MUC5B: variants seen among roughly 807,000 people sequenced by gnomAD.
The protein encoded by MUC5B is mucin 5B, oligomeric mucus/gel-forming, also known as mucin-5B.
A neutral mutation model predicts 376.9 loss-of-function variants in MUC5B; 116 were observed. The ratio of observed to expected loss-of-function variants is 0.31; its 90% CI spans 0.26 to 0.36. The LOEUF is 0.36. MUC5B is among the 10% of genes least tolerant of loss of function. The probability of loss-of-function intolerance (pLI) is 1.00; values close to 1 mark genes in which losing one functional copy is unlikely to be tolerated. For missense variants in MUC5B, 7,165 were observed against 7,769.9 expected, an observed-to-expected ratio of 0.92 and a Z score of 2.93; for synonymous variants, 3,517 against 3,390.9, an observed-to-expected ratio of 1.04 and a Z score of -1.29.
Position 1,233,868 on chromosome 11 carries a change from T to C in MUC5B, c.2377+20T>C. On this transcript the variant is annotated intron_variant, in intron 19 of 48. Coordinates refer to ENST00000529681, the MANE Select transcript of MUC5B (RefSeq NM_002458.3). Reference sequence around the variant, plus strand: ...GCACAGGTAAGTGCCACCCCTGCCCTGCCCTGCCCTGCCCCGCCCCGCATC... The same window carrying C: ...GCACAGGTAAGTGCCACCCCTGCCCCGCCCTGCCCTGCCCCGCCCCGCATC... The C allele has an allele frequency of 6.4e-7, 1 of 1,558,130 alleles. No individual in the cohort carries two copies. The highest frequency in any genetic ancestry group is 8.7e-7 in the Non-Finnish European group (1 of 1,150,666).
rs949187393 is a variant in MUC5B at position 1,231,090 on chromosome 11, C to T, written c.1540+85C>T. The T allele has an allele frequency of 1.6e-5, 22 of 1,360,522 alleles. No individual in the cohort carries two copies. In the African/African-American group the frequency reaches 3.1e-4, roughly 19 times the overall value. 84.3% of individuals were successfully genotyped at this position (1,360,522 alleles called of 1,614,324 possible). A position where few individuals can be genotyped will look rare whatever the true frequency, so the allele number is the denominator to read the frequency against. On this transcript the variant is annotated intron_variant, in intron 13 of 48. Coordinates refer to ENST00000529681, the MANE Select transcript of MUC5B (RefSeq NM_002458.3). ...ACAGCCTGGGCAGCGTCCGCTCCAT[C>T]CCTGCTAGTTCTCCGTGGCCTCGGG... is the stretch of plus-strand genomic sequence containing the variant.
rs1014437941 is a variant in MUC5B, at chr11:1,235,023, G to A, written c.2631-62G>A. Reference sequence around the variant, plus strand: ...GCTGACCTGCACAGGCCTGGGTGCCGGGTCTCAGGAAGGCCGGGAGAGCAG... The same window carrying A: ...GCTGACCTGCACAGGCCTGGGTGCCAGGTCTCAGGAAGGCCGGGAGAGCAG... On this transcript the variant is annotated intron_variant, in intron 21 of 48. Transcript: ENST00000529681. 3.8e-5 allele frequency: 59 copies of A among 1,551,866 alleles called. 1 individual carries two copies. The Middle Eastern group carries it at 6.4e-4, about 17-fold the overall frequency.
At chr11:1,256,995 A>G (rs1862855625) in intron 39 of MUC5B, among the ~76,000 whole-genome samples, 1 of 152,000 alleles carries the variant, frequency 6.6e-6, no homozygotes, top group Non-Finnish European at 1.5e-5. Flanking sequence ...TCCTTGAGTG[A>G]TCCTGTGATG....
At chr11:1,229,336 G>A (rs1002858258) in intron 9 of MUC5B, 41 bp downstream of exon 9, 1 of 1,498,374 alleles carries the variant, frequency 6.7e-7, no homozygotes. Context: ...GGGCTTTCAG[G>A]TCCCTGCTCC....
chr11:1,248,649 C>A lies in MUC5B; in HGVS notation c.11769C>A (p.Thr3923=), dbSNP rs757128914. The change falls in exon 31 of 49, where the codon ACC becomes ACA. Residue 3923 remains threonine, a synonymous_variant. Transcript: ENST00000529681. ...THTPTVLTTT[T]TTVATGSMAT... is the part of the protein sequence containing the mutation. ...CCCCCACAGTGCTGACCACCACCAC[C>A]ACAACTGTGGCCACTGGTTCTATGG... 3.1e-6 allele frequency: 5 copies of A among 1,607,962 alleles called. No homozygotes were observed. In the South Asian group the frequency reaches 5.5e-5, roughly 18 times the overall value.
chr11:1,259,598 C>T (rs992066116), intron 44 of MUC5B, 158 bp from the exon 45 acceptor site: 54 of 673,808 alleles, frequency 8.0e-5, no homozygotes, highest in South Asian at 2.0e-4. Flanking sequence ...GAGGCTGAGC[C>T]GGGATAACTG....
chr11:1,232,975 G>A (rs767812950), intron 17 of MUC5B, 38 bp from the exon 18 acceptor site: 90 of 1,524,566 alleles, frequency 5.9e-5, no homozygotes, highest in Middle Eastern at 3.4e-4. Context: ...CAGGCTGCTC[G>A]GCCGCTGACC....
In MUC5B at chr11:1,254,732, C is replaced by T. The variant is rs746002251; in HGVS notation, c.15516C>T (p.Ser5172=). ...FDQIPVSSGF[S]KNGVLVSVLG... ...AAATTCCGGTGAGCAGCGGTTTCAG[C>T]AAGAACGGCGTGCTTGTGTCTGTGC... is the stretch of plus-strand genomic sequence containing the variant. Residue 5172 remains serine, a synonymous_variant, in exon 35 of 49, where the codon AGC becomes AGT. Coordinates refer to ENST00000529681, the MANE Select transcript of MUC5B (RefSeq NM_002458.3). 5.0e-6 allele frequency: 8 copies of T among 1,612,758 alleles called. No individual in the cohort carries two copies. The East Asian group carries it at 1.3e-4, about 27-fold the overall frequency.
Position 1,246,053 on chromosome 11 carries a change from C to T in MUC5B, c.9173C>T (p.Ala3058Val). ...ATTLPVLTST[A>V]TKSTATSFTP... ...ACCCTTCCAGTGCTGACAAGCACAG[C>T]CACCAAATCCACAGCTACCAGCTTT... The change falls in exon 31 of 49, where the codon GCC becomes GTC. Residue 3058 changes from alanine (A) to valine (V), a missense_variant. Physicochemically the swap from Ala to Val is moderately conservative, Grantham distance 64. Around this residue, in one of 31 missense-constraint regions of MUC5B, gnomAD observed 939 missense variants for 770.6 expected, o/e 1.22. Transcript: ENST00000529681. The T allele has an allele frequency of 1.9e-6, 3 of 1,613,028 alleles. No homozygotes were observed. The highest frequency in any genetic ancestry group is 2.5e-6 in the Non-Finnish European group (3 of 1,179,526).
chr11:1,227,477 G>A (rs1370632580), intron 6 of MUC5B, 79 bp downstream of exon 6: 3 of 1,120,784 alleles, frequency 2.7e-6, no homozygotes, highest in Non-Finnish European at 4.0e-6. Flanking sequence ...AGGCCGGGAG[G>A]GGGCGGAGTG....
In MUC5B at chr11:1,251,694, C is replaced by A. The variant is rs778652821; in HGVS notation, c.14814C>A (p.His4938Gln). 9.3e-6 allele frequency: 15 copies of A among 1,611,764 alleles called. No homozygotes were observed. Among genetic ancestry groups the A allele is most frequent in the Middle Eastern group, 3.3e-4 (2 of 6,074 alleles). ...GACCCACTGGCTTCCCCAGCTCCCA[C>A]TTCTCTACTCCCTGCTTCTGCAGGG... Reference protein sequence around the residue: ...TLRPTGFPSSHFSTPCFCRAF... With the variant: ...TLRPTGFPSSQFSTPCFCRAF... The change falls in exon 31 of 49, where the codon CAC becomes CAA. Residue 4938 changes from histidine to glutamine, a missense_variant. Physicochemically the swap from His to Gln is conservative, Grantham distance 24 (BLOSUM62 0). Coordinates refer to ENST00000529681, the MANE Select transcript of MUC5B (RefSeq NM_002458.3).
In MUC5B at chr11:1,249,572, C is replaced by A. The variant is rs751294168; in HGVS notation, c.12692C>A (p.Thr4231Asn). ...FCCNYGHCPS[T>N]PATSSTAMPS... ...TGCAACTACGGCCACTGCCCCAGCA[C>A]CCCGGCCACCAGCTCTACGGCCATG... Residue 4231 changes from threonine to asparagine, a missense_variant, in exon 31 of 49, where the codon ACC becomes AAC. This residue lies in a region of MUC5B where 38 missense variants were observed against 72.5 expected (regional missense o/e 0.52). Transcript: ENST00000529681. 11 of 1,612,704 alleles carry A rather than the reference C, an allele frequency of 6.8e-6. No homozygotes were observed. Among genetic ancestry groups the A allele is most frequent in the Non-Finnish European group, 9.3e-6 (11 of 1,179,488 alleles).
intron 13 of MUC5B, among the ~76,000 whole-genome samples, 153 bp downstream of exon 13, chr11:1,231,158 T>C (rs1862018891): frequency 6.6e-6 from 1 of 151,914 alleles, no homozygotes; most frequent in Admixed American, 6.6e-5. Context: ...GTCTGCAGAG[T>C]GGGGATGCCA....
At chr11:1,231,661 G>T in intron 14 of MUC5B, 101 bp downstream of exon 14, 1 of 1,376,842 alleles carries the variant, frequency 7.3e-7, no homozygotes. Context: ...GCAGGGGACC[G>T]GGGAGGGGGC....
At position 1,251,163 on chromosome 11, in the gene MUC5B, G is replaced by C; in HGVS notation, c.14283G>C (p.Thr4761=). 1.2e-6 allele frequency: 2 copies of C among 1,609,290 alleles called. No homozygotes were observed. Among genetic ancestry groups the C allele is most frequent in the South Asian group, 2.2e-5 (2 of 90,930 alleles). ...TCCCCTCCTCCACCCTGTGGACCAC[G>C]TGGACCGTCCCAGCACAGACCACCA... The part of the protein sequence containing the change: ...TPIPSSTLWT[T]WTVPAQTTTP... Residue 4761 remains threonine, a synonymous_variant, in exon 31 of 49, where the codon ACG becomes ACC. Transcript: ENST00000529681.
intron 15 of MUC5B, 97 bp from the exon 16 acceptor site, chr11:1,232,351 CAA>C: frequency 1.4e-6 from 2 of 1,425,612 alleles, no homozygotes; most frequent in Non-Finnish European, 1.9e-6. Flanking sequence ...CCGCAAATTC[CAA>C]CTCACTGTTC....
rs1485880245 is a variant in MUC5B, at chr11:1,250,026, C to T, written c.13146C>T (p.Pro4382=). The T allele has an allele frequency of 1.2e-6, 2 of 1,613,214 alleles. No homozygotes were observed. Among genetic ancestry groups the T allele is most frequent in the Non-Finnish European group, 1.7e-6 (2 of 1,179,662 alleles). ...GGGCCACCAGTTCCACGTCCACCCC[C>T]TCCTCCACTCCGGGGACGACCTGGA... The part of the protein sequence containing the change: ...TTRATSSTST[P]SSTPGTTWIL... Residue 4382 remains proline (P), a synonymous_variant, in exon 31 of 49, where the codon CCC becomes CCT. Transcript: ENST00000529681.
rs575035179 is a variant in MUC5B at position 1,261,763 on chromosome 11, G to A, written c.*155G>A. 38 of 783,620 alleles carry A rather than the reference G, an allele frequency of 4.8e-5. No homozygotes were observed. The highest frequency in any genetic ancestry group is 2.3e-4 in the South Asian group (16 of 68,172). The allele number at this position is 783,620 out of a possible 1,614,324, so 48.5% of individuals were successfully genotyped here. Reference sequence around the variant, plus strand: ...TGCTGCCCACCCCGTGGGTGAAACCGGCCCCAGAAGGGTGAGGGGCCAGCA... The same window carrying A: ...TGCTGCCCACCCCGTGGGTGAAACCAGCCCCAGAAGGGTGAGGGGCCAGCA... On this transcript the variant is annotated 3_prime_UTR_variant, in exon 49 of 49. Coordinates refer to ENST00000529681, the MANE Select transcript of MUC5B (RefSeq NM_002458.3).
In MUC5B at chr11:1,255,491, T is replaced by C; in HGVS notation, c.15999T>C (p.Ala5333=). The C allele has an allele frequency of 6.4e-7, 1 of 1,574,618 alleles. No individual in the cohort carries two copies. The highest frequency in any genetic ancestry group is 8.6e-7 in the Non-Finnish European group (1 of 1,161,076). Residue 5333 remains alanine, a synonymous_variant, in exon 37 of 49, where the codon GCT becomes GCC. Coordinates refer to ENST00000529681, the MANE Select transcript of MUC5B (RefSeq NM_002458.3). ...RLEVPCQSLE[A]YAELCRARGV... Reference sequence around the variant, plus strand: ...AGGTGCCCTGCCAGAGCCTGGAGGCTTACGCAGAGCTCTGCCGCGCCCGGG... The same window carrying C: ...AGGTGCCCTGCCAGAGCCTGGAGGCCTACGCAGAGCTCTGCCGCGCCCGGG...
Sources: gnomAD v4.1 joint callset for allele counts (sites outside exome capture counted in the v4.1 genomes callset) on GRCh38, gnomAD v4.1.1 for gene constraint, gnomAD v4.1.1 regional missense constraint, MANE v1.5 for transcripts, NCBI Gene and HGNC (gene_info 2026-07-23, HGNC 2026-07-21) for gene names.